Variants in TTC27 observed in about 807,000 individuals in gnomAD.
TTC27 encodes the protein tetratricopeptide repeat protein 27.
Under a neutral mutation model 115.9 loss-of-function variants are expected in TTC27, and 79 were observed. The observed-to-expected ratio is 0.68, with a 90% CI of 0.57 to 0.82. The LOEUF (loss-of-function observed/expected upper bound fraction) is 0.82. Among genes scored for constraint, TTC27 ranks in the 40% least tolerant of loss-of-function variants. The probability of loss-of-function intolerance (pLI) is 0.00; values close to 1 mark genes in which losing one functional copy is unlikely to be tolerated. For missense variants in TTC27, 1,054 were observed against 993.1 expected (o/e 1.06, Z -0.82); for synonymous variants, 401 against 356.0 (o/e 1.13, Z -1.42).
chr2:32,751,112 T>G (rs989997043), intron 12 of TTC27, among the ~76,000 whole-genome samples: 26 of 152,294 alleles, frequency 1.7e-4, no homozygotes, highest in Admixed American at 4.6e-4. Flanking sequence ...AGTACCCTGC[T>G]TCCCATGTAA....
At position 32,662,704 on chromosome 2, in the gene TTC27, C is replaced by G. The variant is rs193051301; in HGVS notation, c.641-1599C>G. 2.3e-4 allele frequency among the ~76,000 whole-genome samples: 35 copies of G among 152,022 alleles called. 1 individual carries two copies. The East Asian group carries it at 6.0e-3, about 26-fold the overall frequency. On this transcript the variant is annotated intron_variant, in intron 5 of 19. Coordinates refer to ENST00000317907, the MANE Select transcript of TTC27 (RefSeq NM_017735.5). ...CTAGCGGTCTATCTACTTTGTTAAC[C>G]TTTTCAAAAAACCAGCTCTTGGATT...
chr2:32,777,979 A>T lies in TTC27; in HGVS notation c.1778A>T (p.Asp593Val), dbSNP rs1213774546. Reference protein sequence around the residue: ...AFQRCVTLEPDNAEAWNNLST... With the variant: ...AFQRCVTLEPVNAEAWNNLST... Reference sequence around the variant, plus strand: ...CAGCGCTGTGTGACTCTAGAACCCGATGTAAGTTTGTTTGATCTTCTGTCC... The same window carrying T: ...CAGCGCTGTGTGACTCTAGAACCCGTTGTAAGTTTGTTTGATCTTCTGTCC... Residue 593 changes from aspartate (D) to valine (V), a missense_variant and splice_region_variant, in exon 14 of 20, where the codon GAT (aspartate) becomes GTT (valine). Transcript: ENST00000317907. The T allele has an allele frequency of 1.9e-6, 3 of 1,613,920 alleles. No homozygotes were observed. Among genetic ancestry groups the T allele is most frequent in the Non-Finnish European group, 2.5e-6 (3 of 1,179,936 alleles).
Position 32,634,009 on chromosome 2 carries a change from T to C in TTC27, c.396+4T>C. On this transcript the variant is annotated splice_donor_region_variant and intron_variant, in intron 3 of 19. Transcript: ENST00000317907. ...TTTGTTCCAGCAATTCAGTGAGGTA[T>C]GCTTCTTGAAAATGTTGTATGTAAT... The C allele has an allele frequency of 1.2e-6, 2 of 1,609,528 alleles. No homozygotes were observed. Among genetic ancestry groups the C allele is most frequent in the South Asian group, 1.1e-5 (1 of 89,424 alleles).
chr2:32,820,196 A>G (rs577026292), intron 19 of TTC27, among the ~76,000 whole-genome samples: 9 of 152,340 alleles, frequency 5.9e-5, no homozygotes, highest in African/African-American at 2.2e-4. Context: ...TAAAATCCTG[A>G]AGTTGATTTT....
chr2:32,681,564 G>A (rs767051916), intron 9 of TTC27, among the ~76,000 whole-genome samples: 5 of 151,702 alleles, frequency 3.3e-5, no homozygotes, highest in Non-Finnish European at 5.9e-5. Flanking sequence ...TGATATTCAA[G>A]TAGAAACCAT....
rs1666509345 is a variant in TTC27 at position 32,683,338 on chromosome 2, C to G, written c.1119+4416C>G. 3.3e-5 allele frequency among the ~76,000 whole-genome samples: 5 copies of G among 152,028 alleles called. No homozygotes were observed. In the South Asian group the frequency reaches 1.0e-3, roughly 32 times the overall value. On this transcript the variant is annotated intron_variant, in intron 9 of 19. Transcript: ENST00000317907. ...AGAAGTCTGTAAGCACTTGGAGAGA[C>G]AGGGACAGTGGTTATTTGGTGTTTG...
intron 10 of TTC27, among the ~76,000 whole-genome samples, chr2:32,719,430 G>C (rs771214710): frequency 2.0e-5 from 3 of 152,178 alleles, no homozygotes; most frequent in Non-Finnish European, 4.4e-5. Flanking sequence ...TATTAGCTCT[G>C]CATCAAATAT....
chr2:32,804,263 T>C (rs1292269035), intron 16 of TTC27, among the ~76,000 whole-genome samples: 1 of 152,198 alleles, frequency 6.6e-6, no homozygotes, highest in Non-Finnish European at 1.5e-5. Context: ...GGCACCTAAT[T>C]TGATTTAGCT....
intron 2 of TTC27, among the ~76,000 whole-genome samples, chr2:32,631,770 AG>A (rs1270938662): frequency 6.6e-6 from 1 of 151,982 alleles, no homozygotes; most frequent in Non-Finnish European, 1.5e-5. Flanking sequence ...ATGCTACTAC[AG>A]GCTTTTAATT....
chr2:32,666,332 C>A (rs1325510446), intron 6 of TTC27, among the ~76,000 whole-genome samples: 1 of 149,718 alleles, frequency 6.7e-6, no homozygotes, highest in Non-Finnish European at 1.5e-5. Flanking sequence ...AATAATAGTT[C>A]TTCTACCTAC....
At chr2:32,756,421 A>G (rs899978792) in intron 12 of TTC27, among the ~76,000 whole-genome samples, 2 of 152,232 alleles carry the variant, frequency 1.3e-5, no homozygotes, top group African/African-American at 4.8e-5. Flanking sequence ...CATGGATTAT[A>G]TTCTAAAACT....
At chr2:32,663,379 A>G (rs1421500160) in intron 5 of TTC27, among the ~76,000 whole-genome samples, 1 of 152,152 alleles carries the variant, frequency 6.6e-6, no homozygotes, top group African/African-American at 2.4e-5. Context: ...AGAATGCACC[A>G]TTTCTCATGG....
At chr2:32,802,057 A>G (rs928121555) in intron 16 of TTC27, among the ~76,000 whole-genome samples, 1 of 152,118 alleles carries the variant, frequency 6.6e-6, no homozygotes, top group African/African-American at 2.4e-5. Flanking sequence ...GGATATATGC[A>G]TATTCTAGAA....
At chr2:32,752,124 A>C (rs1669039355) in intron 12 of TTC27, among the ~76,000 whole-genome samples, 1 of 152,064 alleles carries the variant, frequency 6.6e-6, no homozygotes, top group Non-Finnish European at 1.5e-5. Flanking sequence ...AGTCTCTCCC[A>C]CCCTGGGTTC....
In TTC27 at chr2:32,674,430, G is replaced by A. The variant is rs576764459; in HGVS notation, c.1052+2046G>A. ...CCTCCCAAAGTGCTGGGATTATGAGGGTGAGCCACCGTGCCCAGTCAAAAT... is the reference window on the plus strand; with the variant it reads ...CCTCCCAAAGTGCTGGGATTATGAGAGTGAGCCACCGTGCCCAGTCAAAAT... On this transcript the variant is annotated intron_variant, in intron 8 of 19. Transcript: ENST00000317907. Among the ~76,000 whole-genome samples the A allele has an allele frequency of 7.6e-4, 116 of 151,906 alleles. 1 individual carries two copies. Among genetic ancestry groups the A allele is most frequent in the Middle Eastern group, 3.4e-3 (1 of 290 alleles).
chr2:32,730,096 G>T (rs915793847), intron 10 of TTC27, among the ~76,000 whole-genome samples: 1 of 152,168 alleles, frequency 6.6e-6, no homozygotes, highest in Non-Finnish European at 1.5e-5. Context: ...CGTGCATTCA[G>T]TCCCATTCTC....
chr2:32,654,474 A>G (rs1052504848), intron 5 of TTC27, among the ~76,000 whole-genome samples: 2 of 152,142 alleles, frequency 1.3e-5, no homozygotes, highest in Non-Finnish European at 2.9e-5. Context: ...CATTTTGTAT[A>G]TGCATACACC....
At chr2:32,697,652 T>C (rs1481417527) in intron 9 of TTC27, among the ~76,000 whole-genome samples, 2 of 152,236 alleles carry the variant, frequency 1.3e-5, no homozygotes, top group Non-Finnish European at 2.9e-5. Flanking sequence ...TTTCTCTTTA[T>C]GGATAAGACA....
chr2:32,734,967 A>G (rs1668404244), intron 11 of TTC27, among the ~76,000 whole-genome samples: 1 of 152,166 alleles, frequency 6.6e-6, no homozygotes, highest in South Asian at 2.1e-4. Flanking sequence ...GGTTAAGTGG[A>G]GTCAGATGGA....
Sources: allele counts gnomAD v4.1 joint callset (sites outside exome capture counted in the v4.1 genomes callset), GRCh38; gene constraint gnomAD v4.1.1; transcripts MANE v1.5; gene names NCBI Gene and HGNC (gene_info 2026-07-23, HGNC 2026-07-21).